Variants in COL5A2 observed in about 807,000 individuals in gnomAD.
COL5A2 encodes collagen alpha-2(V) chain.
Under a neutral mutation model 208.2 loss-of-function variants are expected in COL5A2, and 23 were observed. That is an observed-to-expected ratio of 0.11 (90% CI 0.08 to 0.16). The LOEUF (loss-of-function observed/expected upper bound fraction) is 0.16. Ranked by LOEUF, COL5A2 falls within the 10% of genes least tolerant of loss-of-function variation. COL5A2 has a pLI of 1.00. For missense variants in COL5A2, 1,590 were observed against 1,956.4 expected (o/e 0.81, Z 3.53); for synonymous variants, 625 against 628.5 (o/e 0.99, Z 0.08).
At chr2:189,133,464 T>C (rs541478644) in intron 1 of COL5A2, among the ~76,000 whole-genome samples, 2 of 152,228 alleles carry the variant, frequency 1.3e-5, no homozygotes, top group East Asian at 3.9e-4. Context: ...GTGGAATACA[T>C]GCCAGAGGGT....
chr2:189,412,033 G>C, the COL5A2 span, among the ~76,000 whole-genome samples: 1 of 152,110 alleles, frequency 6.6e-6, no homozygotes, highest in African/African-American at 2.4e-5. Flanking sequence ...TGCCTTCTCA[G>C]AGTACTAACA....
At chr2:189,184,175 G>A (rs1050962372), upstream of COL5A2, among the ~76,000 whole-genome samples, 22 of 152,162 alleles carry the variant, frequency 1.4e-4, no homozygotes, top group African/African-American at 5.1e-4. Context: ...TTATTTAAGA[G>A]TTGCTCAGGA....
rs1185275993 is a variant in COL5A2, at chr2:189,036,323, C to T, written c.4113+293G>A. 2.0e-5 allele frequency among the ~76,000 whole-genome samples: 3 copies of T among 152,050 alleles called. No homozygotes were observed. In the East Asian group the frequency reaches 5.8e-4, roughly 29 times the overall value. ...GCACTATAGTTTATCACTTCTGGTA[C>T]ACTCCATAGTCCATGTCACATACAT... On this transcript the variant is annotated intron_variant, in intron 52 of 53. Transcript: ENST00000374866.
chr2:189,142,663 A>G (rs1396235132), intron 1 of COL5A2, among the ~76,000 whole-genome samples: 3 of 152,172 alleles, frequency 2.0e-5, no homozygotes. Context: ...AATAGGACAG[A>G]CATCCTTCAG....
the COL5A2 span, among the ~76,000 whole-genome samples, chr2:189,282,857 T>C: frequency 6.6e-6 from 1 of 152,192 alleles, no homozygotes; most frequent in Admixed American, 6.5e-5. Flanking sequence ...TTGTGCCTCA[T>C]GATCTTTAAC....
At chr2:189,361,358 A>G in the COL5A2 span, among the ~76,000 whole-genome samples, 1 of 152,082 alleles carries the variant, frequency 6.6e-6, no homozygotes, top group Admixed American at 6.6e-5. Context: ...ATTATTATAT[A>G]ATGGCCTTCT....
At chr2:189,357,294 G>T in the COL5A2 span, among the ~76,000 whole-genome samples, 18 of 152,194 alleles carry the variant, frequency 1.2e-4, no homozygotes, top group African/African-American at 4.1e-4. Flanking sequence ...CTTCAGAGCC[G>T]TCAGGCAGGG....
At chr2:189,202,785 G>A (rs889157098) in intron 1 of COL5A2, among the ~76,000 whole-genome samples, 3 of 152,116 alleles carry the variant, frequency 2.0e-5, no homozygotes, top group African/African-American at 7.2e-5. Flanking sequence ...AAGAGGGCAG[G>A]AAAGTGGAAT....
At chr2:189,358,849 T>A in the COL5A2 span, among the ~76,000 whole-genome samples, 2 of 144,932 alleles carry the variant, frequency 1.4e-5, no homozygotes, top group Non-Finnish European at 3.1e-5. Context: ...AGTGATTGCC[T>A]TCTTGATTTT....
chr2:189,155,591 T>C (rs558934982), intron 1 of COL5A2, among the ~76,000 whole-genome samples: 1 of 152,348 alleles, frequency 6.6e-6, no homozygotes, highest in South Asian at 2.1e-4. Context: ...TGTTAGTGTA[T>C]ATTATATTGG....
chr2:189,248,405 A>T, the COL5A2 span, among the ~76,000 whole-genome samples: 1 of 152,348 alleles, frequency 6.6e-6, no homozygotes, highest in East Asian at 1.9e-4. Context: ...GTAAGAGAAC[A>T]GTGCTTGTAA....
the COL5A2 span, among the ~76,000 whole-genome samples, chr2:189,320,806 A>T: frequency 6.6e-6 from 1 of 152,234 alleles, no homozygotes; most frequent in Admixed American, 6.5e-5. Flanking sequence ...AATTCAAGAA[A>T]TACAGAGAAC....
At chr2:189,153,996 C>G (rs1356631423) in intron 1 of COL5A2, among the ~76,000 whole-genome samples, 1 of 152,102 alleles carries the variant, frequency 6.6e-6, no homozygotes, top group Non-Finnish European at 1.5e-5. Flanking sequence ...TTGCAACCTA[C>G]TGACTGCAAA....
chr2:189,343,221 T>A, the COL5A2 span, among the ~76,000 whole-genome samples: 1 of 152,098 alleles, frequency 6.6e-6, no homozygotes, highest in African/African-American at 2.4e-5. Context: ...CCATAGTCCA[T>A]AATTTGAATC....
At chr2:189,053,676 A>C (rs1341275744) in intron 37 of COL5A2, among the ~76,000 whole-genome samples, 199 bp from the exon 38 acceptor site, 2 of 152,196 alleles carry the variant, frequency 1.3e-5, no homozygotes, top group Non-Finnish European at 2.9e-5. Flanking sequence ...GTCTCAAAGG[A>C]GCCTCCAAAT....
At chr2:189,226,954 G>A (rs1333792671), upstream of COL5A2, among the ~76,000 whole-genome samples, 1 of 152,090 alleles carries the variant, frequency 6.6e-6, no homozygotes, top group African/African-American at 2.4e-5. Flanking sequence ...ACCATAGGAT[G>A]GCAGACATCA....
At chr2:189,412,116 A>G in the COL5A2 span, among the ~76,000 whole-genome samples, 1 of 152,210 alleles carries the variant, frequency 6.6e-6, no homozygotes, top group Non-Finnish European at 1.5e-5. Flanking sequence ...GCCTAAGAAG[A>G]GGCCTGTCTG....
chr2:189,387,887 C>G, the COL5A2 span, among the ~76,000 whole-genome samples: 1 of 152,154 alleles, frequency 6.6e-6, no homozygotes, highest in East Asian at 1.9e-4. Flanking sequence ...CAGGCTCAAG[C>G]CAGCCTCCCA....
chr2:189,078,518 G>A lies in COL5A2; in HGVS notation c.1057C>T (p.Pro353Ser). 1 of 1,610,130 alleles carries A rather than the reference G, an allele frequency of 6.2e-7. No individual in the cohort carries two copies. Among genetic ancestry groups the A allele is most frequent in the Non-Finnish European group, 8.5e-7 (1 of 1,176,588 alleles). The change falls in exon 16 of 54, where the codon CCT becomes TCT. Residue 353 changes from proline (P) to serine (S), a missense_variant and splice_region_variant. By Grantham distance (74) the Pro-to-Ser change is moderately conservative. Transcript: ENST00000374866. ...ERGRLGPQGA[P>S]GQRGAHGMPG... ...TAAGTAAAAGCAGATATACTTACAG[G>A]AGCACCCTGTGGCCCAAGTCTCCCT...
Sources: allele counts gnomAD v4.1 joint callset (sites outside exome capture counted in the v4.1 genomes callset), GRCh38; gene constraint gnomAD v4.1.1; transcripts MANE v1.5; gene names NCBI Gene and HGNC (gene_info 2026-07-23, HGNC 2026-07-21).